The following COPG2 variants were observed in gnomAD, a reference collection of about 807,000 sequenced individuals.
The protein encoded by COPG2 is coatomer subunit gamma-2.
In COPG2, 37 loss-of-function variants were observed where a neutral mutation model predicts 46.3. The observed-to-expected ratio is 0.80, with a 90% CI of 0.61 to 1.05. COPG2 has a LOEUF of 1.05. Among genes scored for constraint, COPG2 ranks in the 50% least tolerant of loss-of-function variants. The probability of loss-of-function intolerance (pLI) is 0.00; values close to 1 mark genes in which losing one functional copy is unlikely to be tolerated. For synonymous variants in COPG2, 159 were observed against 129.7 expected (o/e 1.23, Z -1.53); for missense variants, 427 against 387.8 (o/e 1.10, Z -0.85).
chr7:130,640,867 A>G (rs1795451269), intron 5 of COPG2, among the ~76,000 whole-genome samples: 1 of 152,206 alleles, frequency 6.6e-6, no homozygotes, highest in Non-Finnish European at 1.5e-5. Context: ...TAACTCATGC[A>G]ACACTTTTAT....
chr7:130,567,855 C>T (rs1428338347), intron 9 of COPG2, among the ~76,000 whole-genome samples: 1 of 152,028 alleles, frequency 6.6e-6, no homozygotes, highest in Non-Finnish European at 1.5e-5. Flanking sequence ...CAAAATAGAA[C>T]CTCCTTAAAG....
At chr7:130,621,701 T>G (rs1183909899) in intron 5 of COPG2, among the ~76,000 whole-genome samples, 1 of 151,812 alleles carries the variant, frequency 6.6e-6, no homozygotes, top group Admixed American at 6.6e-5. Context: ...TCCCAGCACT[T>G]TGGGAGGCCG....
Position 130,616,429 on chromosome 7 carries a change from C to CA in COPG2, c.399+560dup, listed in dbSNP as rs36021198. The stretch of plus-strand genomic sequence containing the variant: ...AGTTTTCAGTTTGTTCAAACTGCTA[C>CA]AAAAAAAAAAATTAGCCAGGTGTGG... On this transcript the variant is annotated intron_variant, in intron 6 of 23. Transcript: ENST00000425248. 9.7e-4 allele frequency among the ~76,000 whole-genome samples: 142 copies of CA among 146,044 alleles called. 1 individual carries two copies. The highest frequency in any genetic ancestry group is 2.9e-3 in the Admixed American group (43 of 14,616).
chr7:130,651,653 A>G (rs2116235257), intron 5 of COPG2, among the ~76,000 whole-genome samples: 2 of 151,246 alleles, frequency 1.3e-5, no homozygotes, highest in East Asian at 3.9e-4. Context: ...AGTAGCTGGG[A>G]CTACAGGCGC....
At chr7:130,606,225 T>C (rs1468560779) in intron 9 of COPG2, among the ~76,000 whole-genome samples, 1 of 64,176 alleles carries the variant, frequency 1.6e-5, no homozygotes, top group Non-Finnish European at 3.5e-5. Context: ...GACTTTAAAA[T>C]AAATAAAAAA....
chr7:130,667,838 A>T (rs1436984997), intron 1 of COPG2, among the ~76,000 whole-genome samples: 1 of 152,064 alleles, frequency 6.6e-6, no homozygotes, highest in Non-Finnish European at 1.5e-5. Context: ...GATTAATGAG[A>T]TTGTAGTAGG....
At chr7:130,540,714 G>C (rs1799927114) in intron 20 of COPG2, among the ~76,000 whole-genome samples, 2 of 152,068 alleles carry the variant, frequency 1.3e-5, no homozygotes, top group Non-Finnish European at 2.9e-5. Flanking sequence ...GCCACCTATG[G>C]CAAGCACTAG....
At position 130,547,511 on chromosome 7, in the gene COPG2, T is replaced by C. The variant is rs1489424034; in HGVS notation, c.2149+163A>G. The C allele has an allele frequency of 7.3e-5, 29 of 396,232 alleles. 1 individual carries two copies. The Admixed American group carries it at 1.2e-3, about 17-fold the overall frequency. 24.5% of individuals were successfully genotyped at this position (396,232 alleles called of 1,614,324 possible). On this transcript the variant is annotated intron_variant, in intron 20 of 23. Coordinates refer to ENST00000425248, the MANE Select transcript of COPG2 (RefSeq NM_012133.6). ...ATATTTCTGCAGCAGTAAACCATTTTATAAATATATATATTCACACACACA... is the reference window on the plus strand; with the variant it reads ...ATATTTCTGCAGCAGTAAACCATTTCATAAATATATATATTCACACACACA...
chr7:130,664,745 T>C (rs1431707176), intron 3 of COPG2, among the ~76,000 whole-genome samples: 4 of 152,242 alleles, frequency 2.6e-5, no homozygotes, highest in African/African-American at 7.2e-5. Context: ...TTCAAAACTT[T>C]TGTTTATACA....
chr7:130,617,176 C>G, intron 5 of COPG2, 111 bp from the exon 6 acceptor site: 1 of 573,682 alleles, frequency 1.7e-6, no homozygotes, highest in South Asian at 2.5e-5. Context: ...GCTACTAATT[C>G]AACAAATATT....
intron 20 of COPG2, among the ~76,000 whole-genome samples, chr7:130,541,334 G>A (rs1799935097): frequency 6.6e-6 from 1 of 152,000 alleles, no homozygotes; most frequent in Non-Finnish European, 1.5e-5. Flanking sequence ...GGGATCTGTT[G>A]TCACGGGGAG....
At chr7:130,577,284 A>T (rs1466402936) in intron 9 of COPG2, among the ~76,000 whole-genome samples, 6 of 152,226 alleles carry the variant, frequency 3.9e-5, no homozygotes, top group Non-Finnish European at 7.3e-5. Flanking sequence ...AGGGAGTGCC[A>T]GACAGTGGGC....
intron 20 of COPG2, among the ~76,000 whole-genome samples, chr7:130,512,358 T>C (rs1237000904): frequency 9.9e-5 from 15 of 151,984 alleles, no homozygotes; most frequent in African/African-American, 3.6e-4. Flanking sequence ...ATGGCAACTT[T>C]AGAAATATTA....
intron 9 of COPG2, among the ~76,000 whole-genome samples, chr7:130,590,363 C>T (rs1250803438): frequency 6.6e-6 from 1 of 152,234 alleles, no homozygotes; most frequent in Non-Finnish European, 1.5e-5. Flanking sequence ...CTGCCTGATT[C>T]TCCTGCCTCA....
chr7:130,624,691 T>C (rs142074471), intron 5 of COPG2, among the ~76,000 whole-genome samples: 2 of 152,368 alleles, frequency 1.3e-5, no homozygotes, highest in African/African-American at 4.8e-5. Context: ...TTCAAGTTAC[T>C]TGACTTAGAA....
chr7:130,572,703 C>T (rs1554445698), intron 9 of COPG2, among the ~76,000 whole-genome samples: 1 of 151,784 alleles, frequency 6.6e-6, no homozygotes. Flanking sequence ...ATGTATAGGG[C>T]TCAACTAAAG....
chr7:130,530,313 T>G (rs1003580094), intron 20 of COPG2, among the ~76,000 whole-genome samples: 138 of 151,258 alleles, frequency 9.1e-4, no homozygotes, highest in African/African-American at 2.9e-3. Flanking sequence ...GGTGAGGAAA[T>G]GAGGAAGAGA....
intron 4 of COPG2, among the ~76,000 whole-genome samples, chr7:130,655,358 C>G (rs1418268742): frequency 1.3e-5 from 2 of 152,024 alleles, no homozygotes; most frequent in African/African-American, 4.8e-5. Flanking sequence ...GAATGGTTTC[C>G]TTTTGAGAAC....
intron 20 of COPG2, among the ~76,000 whole-genome samples, chr7:130,518,969 G>GCACTC (rs1203050614): frequency 1.4e-5 from 2 of 141,194 alleles, no homozygotes; most frequent in African/African-American, 5.5e-5. Context: ...TGGCACCACT[G>GCACTC]CACTCCAGCC....
Sources: gnomAD v4.1 joint callset for allele counts (sites outside exome capture counted in the v4.1 genomes callset) on GRCh38, gnomAD v4.1.1 for gene constraint, MANE v1.5 for transcripts, NCBI Gene and HGNC (gene_info 2026-07-23, HGNC 2026-07-21) for gene names.